PLPP4: variants seen among roughly 807,000 people sequenced by gnomAD.
The protein encoded by PLPP4 is phospholipid phosphatase 4.
A neutral mutation model predicts 32.2 loss-of-function variants in PLPP4; 20 were observed. The ratio of observed to expected loss-of-function variants is 0.62; its 90% CI spans 0.44 to 0.90. The LOEUF (loss-of-function observed/expected upper bound fraction) is 0.90, where lower values mean the gene tolerates loss of function less well. Among genes scored for constraint, PLPP4 ranks in the 40% least tolerant of loss-of-function variants. The probability of loss-of-function intolerance (pLI) is 0.00; values close to 1 mark genes in which losing one functional copy is unlikely to be tolerated. For missense variants in PLPP4, 257 were observed against 353.1 expected, an observed-to-expected ratio of 0.73 and a Z score of 2.18; for synonymous variants, 127 against 133.0, an observed-to-expected ratio of 0.95 and a Z score of 0.31.
Position 120,463,019 on chromosome 10 carries a change from CTTTTTTTTTTT to C in PLPP4, c.56+5670_56+5680del, listed in dbSNP as rs71019771. ...TTGCTCTCTAGAAACAAGTTTCTTT[CTTTTTTTTTTT>C]TTTTTTTTTTTGAGACGGAGTCTCA... is the stretch of plus-strand genomic sequence containing the variant. On this transcript the variant is annotated intron_variant, in intron 1 of 6. Transcript: ENST00000398250. 2.4e-3 allele frequency among the ~76,000 whole-genome samples: 210 copies of C among 89,340 alleles called. 1 individual carries two copies. Among genetic ancestry groups the C allele is most frequent in the African/African-American group, 7.7e-3 (203 of 26,394 alleles). The allele number at this position is 89,340 out of a possible 152,430, so 58.6% of individuals were successfully genotyped here.
At chr10:120,539,936 G>C (rs1847255717) in intron 5 of PLPP4, among the ~76,000 whole-genome samples, 1 of 151,140 alleles carries the variant, frequency 6.6e-6, no homozygotes. Context: ...GAAAACACTT[G>C]GTATTTTTGA....
At chr10:120,582,831 C>T (rs898198784) in intron 6 of PLPP4, among the ~76,000 whole-genome samples, 2 of 129,576 alleles carry the variant, frequency 1.5e-5, no homozygotes, top group African/African-American at 5.8e-5. Context: ...TCTCTCCTTT[C>T]TTCTTGTCAT....
At chr10:120,457,130 A>T (rs1286419618), upstream of PLPP4, 9 of 263,964 alleles carry the variant, frequency 3.4e-5, no homozygotes, top group East Asian at 7.2e-4. Context: ...CCGAGGCGCG[A>T]GGTTTAGGCT....
chr10:120,551,168 A>C (rs1847883954), intron 5 of PLPP4, among the ~76,000 whole-genome samples: 1 of 152,202 alleles, frequency 6.6e-6, no homozygotes, highest in South Asian at 2.1e-4. Flanking sequence ...TCATTAGGGA[A>C]ATACAAATTA....
chr10:120,569,444 T>A (rs1848833341), intron 5 of PLPP4, among the ~76,000 whole-genome samples: 1 of 152,228 alleles, frequency 6.6e-6, no homozygotes, highest in African/African-American at 2.4e-5. Flanking sequence ...AAAATCTTCT[T>A]TGAAAATGCA....
At chr10:120,566,604 G>A (rs1848703712) in intron 5 of PLPP4, among the ~76,000 whole-genome samples, 1 of 149,632 alleles carries the variant, frequency 6.7e-6, no homozygotes, top group African/African-American at 2.5e-5. Flanking sequence ...GTGCAATGGT[G>A]CAGTCTCAGC....
intron 4 of PLPP4, among the ~76,000 whole-genome samples, chr10:120,520,181 G>A (rs1008656105): frequency 6.6e-6 from 1 of 152,142 alleles, no homozygotes; most frequent in African/African-American, 2.4e-5. Context: ...TCGACTTCAG[G>A]CCCAGGGCCA....
chr10:120,500,974 C>A (rs145743706), intron 1 of PLPP4, among the ~76,000 whole-genome samples: 1 of 152,114 alleles, frequency 6.6e-6, no homozygotes, highest in Non-Finnish European at 1.5e-5. Flanking sequence ...TGATTCCCCC[C>A]ACCCCCAGAA....
rs150233400 is a variant in PLPP4, at chr10:120,486,629, G to C, written c.57-17189G>C. 2.0e-3 allele frequency among the ~76,000 whole-genome samples: 299 copies of C among 152,368 alleles called. 1 individual carries two copies. The highest frequency in any genetic ancestry group is 7.0e-3 in the African/African-American group (291 of 41,588). Reference sequence around the variant, plus strand: ...TGTTTTAAATTACTACTGATATAGGGAGGAGAATGTGGTTTCAGGTGTCAG... The same window carrying C: ...TGTTTTAAATTACTACTGATATAGGCAGGAGAATGTGGTTTCAGGTGTCAG... On this transcript the variant is annotated intron_variant, in intron 1 of 6. Coordinates refer to ENST00000398250, the MANE Select transcript of PLPP4 (RefSeq NM_001030059.3).
chr10:120,496,407 T>C (rs1379398998), intron 1 of PLPP4, among the ~76,000 whole-genome samples: 1 of 152,192 alleles, frequency 6.6e-6, no homozygotes, highest in African/African-American at 2.4e-5. Context: ...ATTTGGCATA[T>C]GAACTGTGAT....
chr10:120,558,771 A>G (rs532992009), intron 5 of PLPP4, among the ~76,000 whole-genome samples: 24 of 151,416 alleles, frequency 1.6e-4, no homozygotes, highest in African/African-American at 4.9e-4. Context: ...CTATACCTCA[A>G]TTTAAAAAAA....
intron 5 of PLPP4, among the ~76,000 whole-genome samples, chr10:120,538,096 A>T (rs1018305084): frequency 1.1e-4 from 7 of 64,364 alleles, no homozygotes; most frequent in African/African-American, 4.2e-4. Flanking sequence ...TTTCAGATTC[A>T]TATCTAGTAT....
chr10:120,527,213 G>A (rs1162575715), intron 5 of PLPP4, among the ~76,000 whole-genome samples: 2 of 152,062 alleles, frequency 1.3e-5, no homozygotes, highest in Non-Finnish European at 1.5e-5. Context: ...GTAGTGGCTG[G>A]CAAGTCTGAA....
At position 120,525,920 on chromosome 10, in the gene PLPP4, C is replaced by T. The variant is rs543700316; in HGVS notation, c.445+4825C>T. 2.6e-5 allele frequency among the ~76,000 whole-genome samples: 4 copies of T among 152,230 alleles called. 1 individual carries two copies. Among genetic ancestry groups the T allele is most frequent in the South Asian group, 4.1e-4 (2 of 4,822 alleles). ...ACCGGGATTTGTTTTTGGTATTTAT[C>T]GTTCTGCTAACTCTGTAGGTCTTTT... On this transcript the variant is annotated intron_variant, in intron 5 of 6. Coordinates refer to ENST00000398250, the MANE Select transcript of PLPP4 (RefSeq NM_001030059.3).
At chr10:120,567,510 C>G (rs2134030048) in intron 5 of PLPP4, among the ~76,000 whole-genome samples, 1 of 152,274 alleles carries the variant, frequency 6.6e-6, no homozygotes, top group Admixed American at 6.5e-5. Context: ...GTCTTAATAC[C>G]TAGAAGAGTT....
chr10:120,465,907 G>A (rs937742978), intron 1 of PLPP4, among the ~76,000 whole-genome samples: 3 of 152,122 alleles, frequency 2.0e-5, no homozygotes, highest in Non-Finnish European at 2.9e-5. Flanking sequence ...CAGTTTGTTC[G>A]TTCTCGTGTG....
intron 5 of PLPP4, among the ~76,000 whole-genome samples, chr10:120,564,283 A>G (rs1041258800): frequency 1.3e-5 from 2 of 152,064 alleles, no homozygotes; most frequent in Non-Finnish European, 2.9e-5. Context: ...TTTTCTTGTT[A>G]TATCTTCAAA....
intron 6 of PLPP4, among the ~76,000 whole-genome samples, chr10:120,585,789 A>G (rs1849724469): frequency 6.6e-6 from 1 of 152,136 alleles, no homozygotes; most frequent in Non-Finnish European, 1.5e-5. Flanking sequence ...CAAATGGCCA[A>G]CAGTTCTTCT....
chr10:120,579,693 T>G (rs1045361518), intron 6 of PLPP4, among the ~76,000 whole-genome samples: 1 of 152,122 alleles, frequency 6.6e-6, no homozygotes, highest in Admixed American at 6.5e-5. Context: ...TCCTTCCTTT[T>G]GTTACTGATA....
Sources: allele counts gnomAD v4.1 joint callset (sites outside exome capture counted in the v4.1 genomes callset), GRCh38; gene constraint gnomAD v4.1.1; transcripts MANE v1.5; gene names NCBI Gene and HGNC (gene_info 2026-07-23, HGNC 2026-07-21).